Variants in AGBL1 observed in about 807,000 individuals in gnomAD.
AGBL1 encodes the protein AGBL carboxypeptidase 1.
In AGBL1, 130 loss-of-function variants were observed where a neutral mutation model predicts 118.9. That is an observed-to-expected ratio of 1.09 (90% confidence interval 0.95 to 1.26). AGBL1 has a LOEUF of 1.26. AGBL1 is among the 50% of genes most tolerant of loss of function. AGBL1 has a pLI of 0.00. For missense variants in AGBL1, 1,584 were observed against 1,298.1 expected (o/e 1.22, Z -3.38); for synonymous variants, 555 against 478.9 (o/e 1.16, Z -2.08).
At chr15:86,805,393 G>A (rs575689774) in intron 22 of AGBL1, among the ~76,000 whole-genome samples, 19 of 151,990 alleles carry the variant, frequency 1.3e-4, no homozygotes, top group East Asian at 9.7e-4. Flanking sequence ...CACTCTGCCC[G>A]CTGCCCAACA....
At chr15:86,110,346 T>C (rs1897296124) in intron 1 of AGBL1, among the ~76,000 whole-genome samples, 1 of 152,218 alleles carries the variant, frequency 6.6e-6, no homozygotes, top group South Asian at 2.1e-4. Context: ...ATACATATTT[T>C]GTATGTTATA....
chr15:86,815,431 G>A (rs949273682), intron 22 of AGBL1, among the ~76,000 whole-genome samples: 3 of 152,162 alleles, frequency 2.0e-5, no homozygotes, highest in Non-Finnish European at 4.4e-5. Context: ...ACTGCAAGGA[G>A]TGGGGGTAAA....
intron 19 of AGBL1, among the ~76,000 whole-genome samples, chr15:86,540,812 T>C (rs2083484865): frequency 6.6e-6 from 1 of 152,190 alleles, no homozygotes; most frequent in Non-Finnish European, 1.5e-5. Flanking sequence ...TTCAGGGATA[T>C]CGTTTGAGAA....
intron 22 of AGBL1, among the ~76,000 whole-genome samples, chr15:86,761,473 C>A (rs2078023044): frequency 6.6e-6 from 1 of 151,990 alleles, no homozygotes; most frequent in African/African-American, 2.4e-5. Context: ...AATGTAGGTA[C>A]AGGGATACAG....
intron 20 of AGBL1, 87 bp downstream of exon 20, chr15:86,546,220 A>ATT: frequency 3.1e-5 from 33 of 1,079,466 alleles, no homozygotes; most frequent in East Asian, 9.4e-5. Context: ...TCATTTATTT[A>ATT]GTTTTTTTTT....
intron 5 of AGBL1, among the ~76,000 whole-genome samples, chr15:86,186,048 G>A (rs1189365570): frequency 6.6e-6 from 1 of 152,116 alleles, no homozygotes; most frequent in African/African-American, 2.4e-5. Flanking sequence ...TCTGGTTTAT[G>A]GGTGTCCAAA....
chr15:86,393,182 G>A (rs1267199343), intron 17 of AGBL1, among the ~76,000 whole-genome samples: 1 of 152,182 alleles, frequency 6.6e-6, no homozygotes, highest in East Asian at 1.9e-4. Flanking sequence ...GCAAGGTCTT[G>A]TGGTGTATTA....
rs1220142774 is a variant in AGBL1 at position 86,082,491 on chromosome 15, A to G, written c.51+2468A>G. 2.0e-5 allele frequency among the ~76,000 whole-genome samples: 3 copies of G among 152,206 alleles called. No homozygotes were observed. The East Asian group carries it at 5.8e-4, about 29-fold the overall frequency. Reference sequence around the variant, plus strand: ...TTAGGAGTGCCCCAAAAGGTTGCCAAGGGAAGGAAGAAAGAGATTGGAGGG... The same window carrying G: ...TTAGGAGTGCCCCAAAAGGTTGCCAGGGGAAGGAAGAAAGAGATTGGAGGG... On this transcript the variant is annotated intron_variant, in intron 1 of 22. Transcript: ENST00000614907.
At chr15:86,587,771 G>A (rs541360405) in intron 21 of AGBL1, among the ~76,000 whole-genome samples, 1 of 152,312 alleles carries the variant, frequency 6.6e-6, no homozygotes, top group Non-Finnish European at 1.5e-5. Context: ...GACCAAGACA[G>A]GGAAGATGCT....
intron 23 of AGBL1, among the ~76,000 whole-genome samples, chr15:86,922,093 T>C (rs2080486913): frequency 6.6e-6 from 1 of 152,168 alleles, no homozygotes; most frequent in African/African-American, 2.4e-5. Context: ...AGGATGAAGA[T>C]ATATCCTTAA....
intron 22 of AGBL1, among the ~76,000 whole-genome samples, chr15:86,786,300 A>T (rs2078412305): frequency 6.6e-6 from 1 of 151,714 alleles, no homozygotes; most frequent in Non-Finnish European, 1.5e-5. Context: ...TGTTCCCCTG[A>T]TTCTTCCGGG....
At chr15:86,883,826 T>C (rs1453460080) in intron 22 of AGBL1, among the ~76,000 whole-genome samples, 1 of 152,176 alleles carries the variant, frequency 6.6e-6, no homozygotes. Context: ...AATTAGTGAC[T>C]GTAAGAATTT....
intron 5 of AGBL1, among the ~76,000 whole-genome samples, chr15:86,200,722 T>A (rs959559581): frequency 1.3e-5 from 2 of 151,834 alleles, no homozygotes; most frequent in Non-Finnish European, 2.9e-5. Context: ...GTTCAAGCAA[T>A]TCTCCTGCTT....
intron 22 of AGBL1, among the ~76,000 whole-genome samples, chr15:86,808,575 C>G (rs1223918082): frequency 2.0e-5 from 3 of 150,890 alleles, no homozygotes; most frequent in African/African-American, 7.3e-5. Context: ...CCTCCCCTTT[C>G]CTTCCTTCCT....
intron 21 of AGBL1, among the ~76,000 whole-genome samples, chr15:86,648,180 C>A (rs758465090): frequency 5.3e-5 from 8 of 151,902 alleles, no homozygotes; most frequent in Non-Finnish European, 1.2e-4. Context: ...CTAAACTTTG[C>A]GAAAACTGTT....
intron 18 of AGBL1, among the ~76,000 whole-genome samples, chr15:86,420,418 T>C (rs1375304829): frequency 1.3e-5 from 2 of 152,038 alleles, no homozygotes; most frequent in African/African-American, 4.8e-5. Context: ...AGGAATAGCA[T>C]CAAAATCAAC....
chr15:86,677,437 T>C (rs913859551), intron 22 of AGBL1, among the ~76,000 whole-genome samples: 3 of 152,166 alleles, frequency 2.0e-5, no homozygotes, highest in Non-Finnish European at 4.4e-5. Flanking sequence ...TCCCTGGAAA[T>C]AATTGTGTGT....
intron 18 of AGBL1, among the ~76,000 whole-genome samples, chr15:86,464,390 A>C (rs1472851107): frequency 6.6e-6 from 1 of 152,128 alleles, no homozygotes; most frequent in African/African-American, 2.4e-5. Context: ...TGCAAACAGA[A>C]ATAATTTGAC....
intron 22 of AGBL1, among the ~76,000 whole-genome samples, chr15:86,852,401 A>G (rs1252853047): frequency 6.6e-6 from 1 of 152,072 alleles, no homozygotes; most frequent in Non-Finnish European, 1.5e-5. Flanking sequence ...ACAATTGGAG[A>G]TTATATTTGG....
Sources: gnomAD v4.1 joint callset for allele counts (sites outside exome capture counted in the v4.1 genomes callset) on GRCh38, gnomAD v4.1.1 for gene constraint, MANE v1.5 for transcripts, NCBI Gene and HGNC (gene_info 2026-07-23, HGNC 2026-07-21) for gene names.